PRKCH: variants seen among roughly 807,000 people sequenced by gnomAD.
The protein encoded by PRKCH is protein kinase C eta type.
A neutral mutation model predicts 82.5 loss-of-function variants in PRKCH; 28 were observed. The observed-to-expected ratio is 0.34, with a 90% CI of 0.25 to 0.47. The LOEUF is 0.47. Ranked by LOEUF, PRKCH falls within the 20% of genes least tolerant of loss-of-function variation. The pLI, the probability that PRKCH is intolerant of heterozygous loss-of-function variation, is 1.00. For synonymous variants in PRKCH, 322 were observed against 327.4 expected (o/e 0.98, Z 0.18); for missense variants, 705 against 881.8 (o/e 0.80, Z 2.54).
intron 1 of PRKCH, among the ~76,000 whole-genome samples, chr14:61,311,074 G>A (rs1160279036): frequency 6.6e-6 from 1 of 152,198 alleles, no homozygotes; most frequent in Non-Finnish European, 1.5e-5. Context: ...ATGAAACCAA[G>A]TTTTCCTCCT....
At chr14:61,381,106 T>A (rs1445931147) in intron 1 of PRKCH, among the ~76,000 whole-genome samples, 1 of 152,154 alleles carries the variant, frequency 6.6e-6, no homozygotes, top group Non-Finnish European at 1.5e-5. Flanking sequence ...CTTGGAACCT[T>A]AGAATATCAG....
intron 1 of PRKCH, among the ~76,000 whole-genome samples, chr14:61,260,734 C>A (rs867086425): frequency 6.6e-6 from 1 of 152,054 alleles, no homozygotes; most frequent in Non-Finnish European, 1.5e-5. Context: ...GGGAAAGAAG[C>A]AAAATAATAG....
At chr14:61,478,312 A>G (rs1885820951) in intron 9 of PRKCH, among the ~76,000 whole-genome samples, 1 of 152,058 alleles carries the variant, frequency 6.6e-6, no homozygotes, top group Non-Finnish European at 1.5e-5. Context: ...TTGCTCTTGG[A>G]CCTCAAGCAT....
chr14:61,306,691 A>C (rs2045487861), intron 1 of PRKCH: 1 of 152,194 alleles, frequency 6.6e-6, no homozygotes, highest in African/African-American at 2.4e-5. Context: ...GTTTTGGTAT[A>C]TTGTCTACAA....
chr14:61,538,642 C>A (rs1412315249), intron 12 of PRKCH, among the ~76,000 whole-genome samples: 1 of 152,204 alleles, frequency 6.6e-6, no homozygotes, highest in Non-Finnish European at 1.5e-5. Flanking sequence ...TGTAAAATGA[C>A]CACGGAAACT....
chr14:61,307,104 T>G (rs1171245390), intron 1 of PRKCH: 1 of 152,188 alleles, frequency 6.6e-6, no homozygotes, highest in Non-Finnish European at 1.5e-5. Flanking sequence ...TGTAATTTTC[T>G]TAACAACAAC....
intron 9 of PRKCH, among the ~76,000 whole-genome samples, chr14:61,479,812 C>T (rs1344873805): frequency 1.3e-5 from 2 of 152,174 alleles, no homozygotes; most frequent in South Asian, 4.1e-4. Context: ...GAGCAAGTGA[C>T]GACAGGAATT....
chr14:61,210,456 C>T (rs960465586), intron 1 of PRKCH, among the ~76,000 whole-genome samples: 1 of 152,082 alleles, frequency 6.6e-6, no homozygotes, highest in African/African-American at 2.4e-5. Flanking sequence ...CCAACTTTAC[C>T]TGATGATACA....
chr14:61,447,082 C>T (rs543473252), intron 4 of PRKCH, among the ~76,000 whole-genome samples: 12 of 152,244 alleles, frequency 7.9e-5, no homozygotes, highest in African/African-American at 2.9e-4. Flanking sequence ...GCCATTCTAA[C>T]ACTGATCAAA....
intron 1 of PRKCH, among the ~76,000 whole-genome samples, chr14:61,329,234 C>CTTTTTTTTTTTTTTTTTTTTTTTTTT: frequency 1.6e-5 from 1 of 63,468 alleles, no homozygotes; most frequent in African/African-American, 6.8e-5. Flanking sequence ...ACTCCTGAGT[C>CTTTTTTTTTTTTTTTTTTTTTTTTTT]TTTTTTTTTT....
At chr14:61,331,035 G>A (rs1437406470) in intron 1 of PRKCH, among the ~76,000 whole-genome samples, 2 of 152,132 alleles carry the variant, frequency 1.3e-5, no homozygotes, top group African/African-American at 4.8e-5. Context: ...AAGCTGTCCT[G>A]AGCTGCATGC....
chr14:61,224,318 T>C (rs889721124), intron 1 of PRKCH, among the ~76,000 whole-genome samples: 12 of 152,254 alleles, frequency 7.9e-5, no homozygotes, highest in Non-Finnish European at 1.0e-4. Flanking sequence ...TTATCTTATA[T>C]GGTCATTGTG....
intron 9 of PRKCH, among the ~76,000 whole-genome samples, chr14:61,460,960 C>T (rs1025699569): frequency 5.3e-5 from 8 of 152,144 alleles, no homozygotes; most frequent in Non-Finnish European, 1.0e-4. Context: ...AGTCTGGGAG[C>T]TTGGTGACAG....
intron 1 of PRKCH, among the ~76,000 whole-genome samples, chr14:61,333,661 A>AT (rs999750181): frequency 2.6e-5 from 4 of 151,974 alleles, no homozygotes; most frequent in South Asian, 2.1e-4. Flanking sequence ...AAAAGCCTCT[A>AT]TTTTTTTAAA....
chr14:61,222,840 A>G (rs1316878961), intron 1 of PRKCH, among the ~76,000 whole-genome samples: 1 of 152,190 alleles, frequency 6.6e-6, no homozygotes, highest in Non-Finnish European at 1.5e-5. Context: ...GAACTCATGA[A>G]ATTTGAACCT....
intron 2 of PRKCH, among the ~76,000 whole-genome samples, chr14:61,433,029 C>A (rs1309819273): frequency 8.6e-5 from 10 of 115,758 alleles, no homozygotes; most frequent in Non-Finnish European, 6.7e-5. Context: ...CCTCCCCTCA[C>A]CCCCCAACCT....
intron 10 of PRKCH, among the ~76,000 whole-genome samples, chr14:61,520,480 G>A (rs1224530807): frequency 3.3e-5 from 5 of 151,998 alleles, no homozygotes; most frequent in Admixed American, 6.6e-5. Context: ...TCAACCAGGC[G>A]ATAATATTTA....
At chr14:61,527,688 A>C (rs1209675635) in intron 10 of PRKCH, among the ~76,000 whole-genome samples, 1 of 152,004 alleles carries the variant, frequency 6.6e-6, no homozygotes, top group Non-Finnish European at 1.5e-5. Flanking sequence ...GACATTCAGG[A>C]CCCTTCATGG....
At chr14:61,448,484 G>C (rs997041861) in intron 4 of PRKCH, among the ~76,000 whole-genome samples, 2 of 152,186 alleles carry the variant, frequency 1.3e-5, no homozygotes, top group African/African-American at 4.8e-5. Context: ...GGAATTCTGA[G>C]GGCATTACAA....
Sources: gnomAD v4.1 joint callset for allele counts (sites outside exome capture counted in the v4.1 genomes callset) on GRCh38, gnomAD v4.1.1 for gene constraint, MANE v1.5 for transcripts, NCBI Gene and HGNC (gene_info 2026-07-23, HGNC 2026-07-21) for gene names.